The following ANKRD24 variants were observed in gnomAD, a reference collection of about 807,000 sequenced individuals.
The protein encoded by ANKRD24 is ankyrin repeat domain 24.
In ANKRD24, 109 loss-of-function variants were observed where a neutral mutation model predicts 127.8. The observed-to-expected ratio is 0.85, with a 90% CI of 0.73 to 1.00. The LOEUF is 1.00. Ranked by LOEUF, ANKRD24 falls within the 50% of genes least tolerant of loss-of-function variation. ANKRD24 has a pLI of 0.00. For synonymous variants in ANKRD24, 743 were observed against 671.1 expected, an observed-to-expected ratio of 1.11 and a Z score of -1.66; for missense variants, 1,648 against 1,570.2, an observed-to-expected ratio of 1.05 and a Z score of -0.84.
At chr19:4,215,449 C>T (rs1970002407) in intron 15 of ANKRD24, among the ~76,000 whole-genome samples, 1 of 146,214 alleles carries the variant, frequency 6.8e-6, no homozygotes, top group Non-Finnish European at 1.5e-5. Context: ...CGTGCCATGG[C>T]ACTCCAGCCT....
At chr19:4,223,108 G>A (rs1970531042) in intron 20 of ANKRD24, among the ~76,000 whole-genome samples, 1 of 151,994 alleles carries the variant, frequency 6.6e-6, no homozygotes, top group Non-Finnish European at 1.5e-5. Context: ...ACCACACCCA[G>A]CTAATTTTTG....
At chr19:4,182,794 G>T in intron 1 of ANKRD24, 54 bp downstream of exon 1, 1 of 973,594 alleles carries the variant, frequency 1.0e-6, no homozygotes. Context: ...GGAAATTGGG[G>T]CGGCCGCCTA....
At chr19:4,202,127 C>T in intron 6 of ANKRD24, 37 bp downstream of exon 6, 3 of 1,579,042 alleles carry the variant, frequency 1.9e-6, no homozygotes, top group Non-Finnish European at 2.6e-6. Context: ...TCCCTTGGCC[C>T]CTACTACTCC....
intron 2 of ANKRD24, among the ~76,000 whole-genome samples, chr19:4,187,907 G>A (rs1968158380): frequency 6.6e-6 from 1 of 152,138 alleles, no homozygotes; most frequent in African/African-American, 2.4e-5. Flanking sequence ...ACCTGTGTGG[G>A]TAAAGATTCG....
At chr19:4,224,105 C>G (rs779549826) in intron 20 of ANKRD24, 22 bp from the exon 21 acceptor site, 1 of 1,608,038 alleles carries the variant, frequency 6.2e-7, no homozygotes, top group Non-Finnish European at 8.5e-7. Flanking sequence ...CTCTTCTGAG[C>G]GCCCCTTCCT....
chr19:4,198,532 G>A lies in ANKRD24; in HGVS notation c.37-1151G>A, dbSNP rs1258317180. ...GTCTGTGCGCAGCCGCCTCCTTCGCGGTAGGGCCCGGGGAGGGGGCGCAGG... is the reference window on the plus strand; with the variant it reads ...GTCTGTGCGCAGCCGCCTCCTTCGCAGTAGGGCCCGGGGAGGGGGCGCAGG... On this transcript the variant is annotated intron_variant, in intron 2 of 21. Transcript: ENST00000318934. The surrounding 1 kb of genome is among the most constrained non-coding windows in gnomAD (Gnocchi z 6.1). 1 of 597,116 alleles carries A rather than the reference G, an allele frequency of 1.7e-6. No homozygotes were observed. The highest frequency in any genetic ancestry group is 3.0e-6 in the Non-Finnish European group (1 of 331,738). The allele number at this position is 597,116 out of a possible 1,614,324, so 37.0% of individuals were successfully genotyped here. A position where few individuals can be genotyped will look rare whatever the true frequency, so the allele number is the denominator to read the frequency against.
At chr19:4,206,769 G>T (rs908769029) in intron 7 of ANKRD24, among the ~76,000 whole-genome samples, 8 of 152,164 alleles carry the variant, frequency 5.3e-5, no homozygotes, top group African/African-American at 1.9e-4. Flanking sequence ...TGCAAAACTT[G>T]CCTTTGTTAC....
rs371160372 is a variant in ANKRD24, at chr19:4,207,243, G to A, written c.468G>A (p.Ala156=). ...CGGACAACCTTTTCTCTTTTGCAGC[G>A]GCTGGTGGCTGTCTCTCCTGCTCAG... ...SSGWTALHHA[A]AGGCLSCSEV... is the part of the protein sequence containing the mutation. The change falls in exon 8 of 22, where the codon GCG becomes GCA. Residue 156 remains alanine, a splice_region_variant and synonymous_variant. Transcript: ENST00000318934. The A allele has an allele frequency of 1.4e-5, 22 of 1,613,484 alleles. No individual in the cohort carries two copies. The highest frequency in any genetic ancestry group is 5.3e-5 in the African/African-American group (4 of 74,832).
At chr19:4,223,094 C>T (rs1970530109) in intron 20 of ANKRD24, among the ~76,000 whole-genome samples, 1 of 152,050 alleles carries the variant, frequency 6.6e-6, no homozygotes, top group East Asian at 1.9e-4. Context: ...TACAGGCACG[C>T]ACCACCACAC....
In ANKRD24 at chr19:4,216,724, G is replaced by C; in HGVS notation, c.1564G>C (p.Glu522Gln). 1 of 1,577,854 alleles carries C rather than the reference G, an allele frequency of 6.3e-7. No individual in the cohort carries two copies. The highest frequency in any genetic ancestry group is 8.6e-7 in the Non-Finnish European group (1 of 1,162,322). Residue 522 changes from glutamate to glutamine, a missense_variant, in exon 18 of 22, where the codon GAG becomes CAG. Coordinates refer to ENST00000318934, the MANE Select transcript of ANKRD24 (RefSeq NM_001393985.1). ...GGAGACACGAGAGGTCCCCAGAGAA[G>C]AGGGGGCAGCCTGTGGGGAGAGTGA... ...QQETREVPRE[E>Q]GAACGESEVA...
At position 4,217,837 on chromosome 19, in the gene ANKRD24, G is replaced by A. The variant is rs1331570856; in HGVS notation, c.2677G>A (p.Glu893Lys). The A allele has an allele frequency of 8.4e-6, 12 of 1,429,848 alleles. No individual in the cohort carries two copies. The highest frequency in any genetic ancestry group is 3.2e-5 in the East Asian group (1 of 31,732). The allele number at this position is 1,429,848 out of a possible 1,614,324, so 88.6% of individuals were successfully genotyped here. ...AGTGGCTGAGCTGCCTGCGGCCTGCGAGGAGGCGCGGCAGGGCCTGGCCGA... is the reference window on the plus strand; with the variant it reads ...AGTGGCTGAGCTGCCTGCGGCCTGCAAGGAGGCGCGGCAGGGCCTGGCCGA... ...ARVAELPAAC[E>K]EARQGLAELR... The change falls in exon 18 of 22, where the codon GAG (glutamate) becomes AAG (lysine). Residue 893 changes from glutamate to lysine, a missense_variant. Transcript: ENST00000318934.
chr19:4,184,584 C>T (rs1599383435), intron 1 of ANKRD24, among the ~76,000 whole-genome samples: 1 of 152,214 alleles, frequency 6.6e-6, no homozygotes, highest in African/African-American at 2.4e-5. Flanking sequence ...CAAGCAGCTT[C>T]CTAAATTTAG....
chr19:4,217,527 G>T lies in ANKRD24; in HGVS notation c.2367G>T (p.Ala789=). ...GCGGTGACACCACACAGCTGCGGGC[G>T]GCCCTGGAGCAGGCCCGGGAGGACC... The part of the protein sequence containing the change: ...GGGGDTTQLR[A]ALEQAREDLR... The change falls in exon 18 of 22, where the codon GCG becomes GCT. Residue 789 remains alanine (A), a synonymous_variant. Transcript: ENST00000318934. 7.3e-7 allele frequency: 1 copy of T among 1,361,762 alleles called. No individual in the cohort carries two copies. 84.4% of individuals were successfully genotyped at this position (1,361,762 alleles called of 1,614,324 possible). A position where few individuals can be genotyped will look rare whatever the true frequency, so the allele number is the denominator to read the frequency against.
At position 4,210,116 on chromosome 19, in the gene ANKRD24, C is replaced by T. The variant is rs1969626361; in HGVS notation, c.929C>T (p.Pro310Leu). Residue 310 changes from proline to leucine, a missense_variant, in exon 12 of 22, where the codon CCT (proline) becomes CTT (leucine). Coordinates refer to ENST00000318934, the MANE Select transcript of ANKRD24 (RefSeq NM_001393985.1). ...GAPKKRKAPP[P>L]PASIPMPDDR... ...CCCAAGAAGCGGAAGGCGCCTCCAC[C>T]TCCCGCCAGCATTCCCATGCCGGTG... 1 of 1,610,686 alleles carries T rather than the reference C, an allele frequency of 6.2e-7. No individual in the cohort carries two copies. The highest frequency in any genetic ancestry group is 1.7e-5 in the Admixed American group (1 of 59,488).
chr19:4,191,630 C>T (rs916198373), intron 2 of ANKRD24, among the ~76,000 whole-genome samples: 6 of 139,588 alleles, frequency 4.3e-5, no homozygotes, highest in Admixed American at 3.6e-4. Context: ...TACAGGTGCA[C>T]GCCACCACAC....
rs995119810 is a variant in ANKRD24 at position 4,207,563 on chromosome 19, A to C, written c.600A>C (p.Leu200=). 6.2e-7 allele frequency: 1 copy of C among 1,613,946 alleles called. No individual in the cohort carries two copies. Among genetic ancestry groups the C allele is most frequent in the Non-Finnish European group, 8.5e-7 (1 of 1,179,890 alleles). Reference sequence around the variant, plus strand: ...GTCACACAGACCTGTGCCGTCTCCTACTGCAGCAAGGGGCTGCCGCGAACG... The same window carrying C: ...GTCACACAGACCTGTGCCGTCTCCTCCTGCAGCAAGGGGCTGCCGCGAACG... ...QMCHTDLCRL[L]LQQGAAANDQ... Residue 200 remains leucine, a synonymous_variant, in exon 9 of 22, where the codon CTA becomes CTC. Coordinates refer to ENST00000318934, the MANE Select transcript of ANKRD24 (RefSeq NM_001393985.1).
Position 4,218,015 on chromosome 19 carries a change from C to T in ANKRD24, c.2855C>T (p.Ala952Val), listed in dbSNP as rs1381241544. Reference sequence around the variant, plus strand: ...GGCAAGGAGGCCGCCCGGCTGCGCGCGGAGCTGGAGCGGGAGCGTGTGTGC... The same window carrying T: ...GGCAAGGAGGCCGCCCGGCTGCGCGTGGAGCTGGAGCGGGAGCGTGTGTGC... ...ATGKEAARLR[A>V]ELERERVCSV... Residue 952 changes from alanine (A) to valine (V), a missense_variant, in exon 18 of 22, where the codon GCG (alanine) becomes GTG (valine). Transcript: ENST00000318934. 7 of 1,549,268 alleles carry T rather than the reference C, an allele frequency of 4.5e-6. No homozygotes were observed. In the South Asian group the frequency reaches 7.1e-5, roughly 16 times the overall value.
chr19:4,210,468 A>C (rs12710072), intron 13 of ANKRD24, 96 bp downstream of exon 13: 2 of 1,122,018 alleles, frequency 1.8e-6, no homozygotes, highest in Non-Finnish European at 2.5e-6. Flanking sequence ...TCCCTCCTCC[A>C]TCTCTCTCCC....
intron 8 of ANKRD24, 62 bp downstream of exon 8, chr19:4,207,374 C>T: frequency 1.9e-6 from 3 of 1,586,500 alleles, no homozygotes; most frequent in African/African-American, 2.7e-5. Context: ...CACCAAGTGG[C>T]AGTATCTCAG....
Sources: allele counts gnomAD v4.1 joint callset (sites outside exome capture counted in the v4.1 genomes callset), GRCh38; gene constraint gnomAD v4.1.1; non-coding constraint Gnocchi (gnomAD v3.1); transcripts MANE v1.5; gene names NCBI Gene and HGNC (gene_info 2026-07-23, HGNC 2026-07-21).